The following PDZRN3 variants were observed in gnomAD, a reference collection of about 807,000 sequenced individuals.
PDZRN3 encodes PDZ domain containing ring finger 3, also known as E3 ubiquitin-protein ligase PDZRN3.
Under a neutral mutation model 85.7 loss-of-function variants are expected in PDZRN3, and 38 were observed. That is an observed-to-expected ratio of 0.44 (90% CI 0.34 to 0.58). The LOEUF (loss-of-function observed/expected upper bound fraction) is 0.58. Among genes scored for constraint, PDZRN3 ranks in the 20% least tolerant of loss-of-function variants. PDZRN3 has a pLI of 0.01. For missense variants in PDZRN3, 1,629 were observed against 1,506.4 expected, an observed-to-expected ratio of 1.08 and a Z score of -1.35; for synonymous variants, 759 against 638.0, an observed-to-expected ratio of 1.19 and a Z score of -2.86.
chr3:73,522,984 A>G lies in PDZRN3; in HGVS notation c.918+79370T>C, dbSNP rs185576856. Among the ~76,000 whole-genome samples, 8 of 152,360 alleles carry G rather than the reference A, an allele frequency of 5.3e-5. No individual in the cohort carries two copies. The East Asian group carries it at 1.5e-3, about 29-fold the overall frequency. On this transcript the variant is annotated intron_variant, in intron 3 of 9. Coordinates refer to ENST00000263666, the MANE Select transcript of PDZRN3 (RefSeq NM_015009.3). ...GTTCTAGCCAATGAAATATGACAAG[A>G]AAAACACAATAAAAGGAAGAGTTTT...
In PDZRN3 at chr3:73,382,769, A is replaced by T. The variant is rs1291836827; in HGVS notation, c.*596T>A. 1 of 152,740 alleles carries T rather than the reference A, an allele frequency of 6.5e-6. No homozygotes were observed. The highest frequency in any genetic ancestry group is 1.5e-5 in the Non-Finnish European group (1 of 68,108). 9.5% of individuals were successfully genotyped at this position (152,740 alleles called of 1,614,324 possible). On this transcript the variant is annotated 3_prime_UTR_variant, in exon 10 of 10. Transcript: ENST00000263666. ...CTAAAACCTTTACACTCTCTTGGGA[A>T]CCTTAACCAGGAAAATGTTTAAATG...
chr3:73,536,963 G>C (rs6650912), intron 3 of PDZRN3, among the ~76,000 whole-genome samples: 2 of 152,226 alleles, frequency 1.3e-5, no homozygotes, highest in African/African-American at 4.8e-5. Context: ...TTTGTACTCA[G>C]ACTGAAAACT....
At chr3:73,391,704 G>C (rs1291069669) in intron 5 of PDZRN3, among the ~76,000 whole-genome samples, 1 of 152,210 alleles carries the variant, frequency 6.6e-6, no homozygotes, top group Non-Finnish European at 1.5e-5. Context: ...AGCAAAGTGA[G>C]CCCAAATGTG....
intron 3 of PDZRN3, among the ~76,000 whole-genome samples, chr3:73,562,648 T>C (rs549258664): frequency 6.6e-6 from 1 of 152,230 alleles, no homozygotes; most frequent in Admixed American, 6.5e-5. Flanking sequence ...CAAATGCTTC[T>C]GAAGCTTACA....
In PDZRN3 at chr3:73,400,957, G is replaced by T. The variant is rs146018424; in HGVS notation, c.1219C>A (p.His407Asn). ...YDPNDYIGDI[H>N]QEMDREELEL... ...AGCTCCTCCCTGTCCATCTCCTGAT[G>T]GATGTCTCCAATGTAGTCATTTGGA... The change falls in exon 5 of 10, where the codon CAT (histidine) becomes AAT (asparagine). Residue 407 changes from histidine to asparagine, a missense_variant. Transcript: ENST00000263666. 43 of 1,613,482 alleles carry T rather than the reference G, an allele frequency of 2.7e-5. No homozygotes were observed. In the African/African-American group the frequency reaches 5.7e-4, roughly 22 times the overall value.
chr3:73,433,051 G>A lies in PDZRN3; in HGVS notation c.919-28656C>T, dbSNP rs555190681. On this transcript the variant is annotated intron_variant, in intron 3 of 9. Coordinates refer to ENST00000263666, the MANE Select transcript of PDZRN3 (RefSeq NM_015009.3). ...GCTCACAATGACTCAGAAGATACAA[G>A]TCATCTGATGTGAATGACAGCACCC... Among the ~76,000 whole-genome samples the A allele has an allele frequency of 3.3e-5, 5 of 152,264 alleles. 1 individual carries two copies. The South Asian group carries it at 1.0e-3, about 32-fold the overall frequency.
intron 3 of PDZRN3, among the ~76,000 whole-genome samples, chr3:73,431,524 A>C (rs1428377385): frequency 2.0e-5 from 3 of 152,196 alleles, no homozygotes; most frequent in Non-Finnish European, 4.4e-5. Flanking sequence ...TGCCCTAATA[A>C]GGCTTTGCAT....
intron 3 of PDZRN3, among the ~76,000 whole-genome samples, chr3:73,540,682 C>G (rs901040471): frequency 1.3e-5 from 2 of 152,152 alleles, no homozygotes; most frequent in African/African-American, 4.8e-5. Context: ...CCCCTTTCAC[C>G]ATGATTGTAA....
At chr3:73,513,628 C>T (rs1286351231) in intron 3 of PDZRN3, among the ~76,000 whole-genome samples, 2 of 152,172 alleles carry the variant, frequency 1.3e-5, no homozygotes, top group Non-Finnish European at 2.9e-5. Flanking sequence ...CTTTCCCTGC[C>T]TCAAACCAAG....
At chr3:73,593,384 G>C (rs1206912303) in intron 3 of PDZRN3, among the ~76,000 whole-genome samples, 1 of 151,978 alleles carries the variant, frequency 6.6e-6, no homozygotes, top group Admixed American at 6.6e-5. Flanking sequence ...AGACTTTGAG[G>C]GACAGATTTA....
chr3:73,401,009 C>G lies in PDZRN3; in HGVS notation c.1167G>C (p.Glu389Asp). 1.2e-6 allele frequency: 2 copies of G among 1,607,866 alleles called. No individual in the cohort carries two copies. The highest frequency in any genetic ancestry group is 1.7e-6 in the Non-Finnish European group (2 of 1,174,354). The change falls in exon 5 of 10, where the codon GAG becomes GAC. Residue 389 changes from glutamate (E) to aspartate (D), a missense_variant and splice_region_variant. Transcript: ENST00000263666. ...PVLDPYLLPE[E>D]HPSAHEYYDP... Reference sequence around the variant, plus strand: ...CGTAGTATTCATGGGCTGAGGGATGCCTGAAAAGAGATGCAACATCTTTAC... The same window carrying G: ...CGTAGTATTCATGGGCTGAGGGATGGCTGAAAAGAGATGCAACATCTTTAC...
At chr3:73,545,845 T>G (rs1445814982) in intron 3 of PDZRN3, among the ~76,000 whole-genome samples, 2 of 152,094 alleles carry the variant, frequency 1.3e-5, no homozygotes, top group East Asian at 3.9e-4. Context: ...ATTAGAAGGG[T>G]TGTTCTGAGG....
chr3:73,573,445 CAG>C (rs765696872), intron 3 of PDZRN3, among the ~76,000 whole-genome samples: 1 of 152,120 alleles, frequency 6.6e-6, no homozygotes, highest in Non-Finnish European at 1.5e-5. Flanking sequence ...CGTCACTCAC[CAG>C]GTCATATTTG....
intron 3 of PDZRN3, among the ~76,000 whole-genome samples, chr3:73,415,793 G>A (rs1461622685): frequency 6.6e-6 from 1 of 152,146 alleles, no homozygotes; most frequent in Non-Finnish European, 1.5e-5. Context: ...GGTTTAAGAT[G>A]TAACTCCATC....
intron 3 of PDZRN3, among the ~76,000 whole-genome samples, chr3:73,514,661 C>G (rs1200196740): frequency 2.6e-5 from 4 of 152,214 alleles, no homozygotes; most frequent in Non-Finnish European, 4.4e-5. Flanking sequence ...GATCTTCTGA[C>G]TTGGCTTTCC....
At chr3:73,465,084 T>C (rs1703186082) in intron 3 of PDZRN3, among the ~76,000 whole-genome samples, 1 of 152,212 alleles carries the variant, frequency 6.6e-6, no homozygotes, top group South Asian at 2.1e-4. Context: ...CTAGGTTGCT[T>C]ATCTGTAATA....
At chr3:73,600,029 G>A (rs1702488594) in intron 3 of PDZRN3, among the ~76,000 whole-genome samples, 1 of 152,066 alleles carries the variant, frequency 6.6e-6, no homozygotes, top group Non-Finnish European at 1.5e-5. Flanking sequence ...CAGTATTGGT[G>A]GAATTCCAAA....
At chr3:73,606,730 T>C (rs1240225159) in intron 2 of PDZRN3, among the ~76,000 whole-genome samples, 1 of 152,210 alleles carries the variant, frequency 6.6e-6, no homozygotes, top group Non-Finnish European at 1.5e-5. Context: ...TTCTTTTTTA[T>C]ATGTATGTTT....
intron 3 of PDZRN3, among the ~76,000 whole-genome samples, chr3:73,436,248 G>A (rs1196891809): frequency 6.6e-6 from 1 of 152,116 alleles, no homozygotes; most frequent in African/African-American, 2.4e-5. Flanking sequence ...CTGTTTCCTT[G>A]TGCAAGCCTT....
Sources: allele counts gnomAD v4.1 joint callset (sites outside exome capture counted in the v4.1 genomes callset), GRCh38; gene constraint gnomAD v4.1.1; transcripts MANE v1.5; gene names NCBI Gene and HGNC (gene_info 2026-07-23, HGNC 2026-07-21).